CLASP2: variants seen among roughly 807,000 people sequenced by gnomAD.
CLASP2 encodes the protein CLIP-associating protein 2.
CLASP2 carries 47 observed loss-of-function variants against 194.4 expected under a neutral mutation model. That is an observed-to-expected ratio of 0.24 (90% CI 0.19 to 0.31). CLASP2 has a LOEUF of 0.31. Among genes scored for constraint, CLASP2 ranks in the 10% least tolerant of loss-of-function variants. The probability of loss-of-function intolerance (pLI) is 1.00; values close to 1 mark genes in which losing one functional copy is unlikely to be tolerated. For synonymous variants in CLASP2, 619 were observed against 633.5 expected, an observed-to-expected ratio of 0.98 and a Z score of 0.34; for missense variants, 1,445 against 1,823.6, an observed-to-expected ratio of 0.79 and a Z score of 3.78.
chr3:33,668,800 T>C (rs890042664), intron 6 of CLASP2, among the ~76,000 whole-genome samples: 2 of 152,104 alleles, frequency 1.3e-5, no homozygotes, highest in Non-Finnish European at 2.9e-5. Flanking sequence ...GAAAGAACAA[T>C]GGACTGCGTG....
intron 30 of CLASP2, among the ~76,000 whole-genome samples, chr3:33,549,216 T>A (rs1227408103): frequency 1.3e-5 from 2 of 152,264 alleles, no homozygotes; most frequent in South Asian, 2.1e-4. Flanking sequence ...TCCCAGTCTC[T>A]ATTTCATTAA....
intron 36 of CLASP2, among the ~76,000 whole-genome samples, chr3:33,513,916 C>T (rs921371509): frequency 1.3e-5 from 2 of 152,096 alleles, no homozygotes; most frequent in Non-Finnish European, 2.9e-5. Context: ...AATTTTTCTC[C>T]CATTCTATGA....
chr3:33,550,847 T>C (rs575843941), intron 30 of CLASP2, among the ~76,000 whole-genome samples: 1 of 152,310 alleles, frequency 6.6e-6, no homozygotes, highest in South Asian at 2.1e-4. Context: ...ATACAGAAAG[T>C]ATGAGAAAGC....
At chr3:33,623,652 C>T (rs994289782) in intron 10 of CLASP2, among the ~76,000 whole-genome samples, 3 of 152,156 alleles carry the variant, frequency 2.0e-5, no homozygotes, top group Non-Finnish European at 2.9e-5. Context: ...ATATGTACCA[C>T]ATTTTCTTTA....
At chr3:33,510,791 A>G (rs184627700) in intron 36 of CLASP2, 27 bp from the exon 37 acceptor site, 3 of 1,558,710 alleles carry the variant, frequency 1.9e-6, no homozygotes, top group East Asian at 2.3e-5. Flanking sequence ...ATTAAGCCAG[A>G]AAGTAATTTT....
At chr3:33,565,579 G>T (rs965222939) in intron 27 of CLASP2, among the ~76,000 whole-genome samples, 4 of 151,860 alleles carry the variant, frequency 2.6e-5, no homozygotes, top group African/African-American at 9.7e-5. Flanking sequence ...TTGGGAGGCC[G>T]AGGTGTGTGG....
At chr3:33,592,863 A>G (rs1399094666) in intron 20 of CLASP2, among the ~76,000 whole-genome samples, 1 of 152,200 alleles carries the variant, frequency 6.6e-6, no homozygotes, top group Non-Finnish European at 1.5e-5. Context: ...AGTCAACCCT[A>G]CAGTTTTAAA....
Position 33,606,574 on chromosome 3 carries a change from T to G in CLASP2, c.1694+17A>C. The G allele has an allele frequency of 6.9e-6, 11 of 1,602,616 alleles. No individual in the cohort carries two copies. The highest frequency in any genetic ancestry group is 9.4e-6 in the Non-Finnish European group (11 of 1,172,766). On this transcript the variant is annotated intron_variant, in intron 16 of 38. Transcript: ENST00000682230. ...AGGAGAGGAAGAGACTAGTAATCAT[T>G]ATTTATATGACCTTACTTGAGACTT...
At chr3:33,549,742 CTTTTTTTT>C (rs139359537) in intron 30 of CLASP2, among the ~76,000 whole-genome samples, 1 of 142,278 alleles carries the variant, frequency 7.0e-6, no homozygotes, top group Non-Finnish European at 1.5e-5. Flanking sequence ...TACTTTTTTT[CTTTTTTTT>C]TTTTTTAAGA....
At chr3:33,636,959 CAA>C (rs1228160896) in intron 8 of CLASP2, among the ~76,000 whole-genome samples, 7 of 152,046 alleles carry the variant, frequency 4.6e-5, no homozygotes, top group African/African-American at 1.7e-4. Flanking sequence ...ACCAACTATC[CAA>C]GAGAGAATAA....
At chr3:33,602,754 G>T in intron 18 of CLASP2, 198 bp downstream of exon 18, 1 of 687,468 alleles carries the variant, frequency 1.5e-6, no homozygotes, top group Admixed American at 2.2e-5. Context: ...TGATCAAGAC[G>T]ATGATGAGAA....
At chr3:33,695,837 T>TGCTA (rs2091837575) in intron 2 of CLASP2, among the ~76,000 whole-genome samples, 1 of 152,158 alleles carries the variant, frequency 6.6e-6, no homozygotes, top group South Asian at 2.1e-4. Flanking sequence ...CCCTTCTATA[T>TGCTA]GCTATATAAT....
At chr3:33,520,528 A>C (rs1414416836) in intron 34 of CLASP2, among the ~76,000 whole-genome samples, 1 of 152,186 alleles carries the variant, frequency 6.6e-6, no homozygotes. Context: ...TGCTGGAGCC[A>C]AAGTGGAATA....
intron 13 of CLASP2, among the ~76,000 whole-genome samples, chr3:33,610,467 C>T (rs1321673543): frequency 6.6e-6 from 1 of 152,194 alleles, no homozygotes; most frequent in Non-Finnish European, 1.5e-5. Context: ...TTGTACTCCA[C>T]TCACTCTCCC....
intron 8 of CLASP2, among the ~76,000 whole-genome samples, chr3:33,637,206 T>C (rs547493562): frequency 6.6e-6 from 1 of 152,126 alleles, no homozygotes; most frequent in Non-Finnish European, 1.5e-5. Context: ...GTCACAGAGA[T>C]AAAAACTGAT....
intron 9 of CLASP2, among the ~76,000 whole-genome samples, chr3:33,629,964 G>C (rs78539062): frequency 6.6e-6 from 1 of 152,204 alleles, no homozygotes; most frequent in East Asian, 1.9e-4. Flanking sequence ...ACAATGGACT[G>C]ACGATCCTTG....
At chr3:33,519,995 A>G (rs1204757387) in intron 34 of CLASP2, among the ~76,000 whole-genome samples, 2 of 152,168 alleles carry the variant, frequency 1.3e-5, no homozygotes, top group Non-Finnish European at 2.9e-5. Flanking sequence ...GCTTTATGAT[A>G]TTTTTGATAT....
intron 9 of CLASP2, among the ~76,000 whole-genome samples, chr3:33,630,648 A>T (rs1577460648): frequency 6.6e-6 from 1 of 152,306 alleles, no homozygotes; most frequent in South Asian, 2.1e-4. Flanking sequence ...GCTGCTTATG[A>T]AAAAGATGTT....
rs918635019 is a variant in CLASP2, at chr3:33,570,162, A to G, written c.2763+565T>C. ...TTCACAGTACACATGCACATTACAT[A>G]TAAGTACTTAAATAAATATATTTTA... On this transcript the variant is annotated intron_variant, in intron 26 of 38. Transcript: ENST00000682230. Among the ~76,000 whole-genome samples, 9 of 100,370 alleles carry G rather than the reference A, an allele frequency of 9.0e-5. No individual in the cohort carries two copies. In the South Asian group the frequency reaches 2.6e-3, roughly 29 times the overall value. The allele number at this position is 100,370 out of a possible 152,430, so 65.8% of individuals were successfully genotyped here.
Sources: allele counts gnomAD v4.1 joint callset (sites outside exome capture counted in the v4.1 genomes callset), GRCh38; gene constraint gnomAD v4.1.1; transcripts MANE v1.5; gene names NCBI Gene and HGNC (gene_info 2026-07-23, HGNC 2026-07-21).